Variants in TESMIN observed in about 807,000 individuals in gnomAD.
TESMIN encodes the protein testis expressed metallothionein like protein.
TESMIN carries 34 observed loss-of-function variants against 47.4 expected under a neutral mutation model. The observed-to-expected ratio is 0.72, with a 90% CI of 0.55 to 0.96. The LOEUF (loss-of-function observed/expected upper bound fraction) is 0.96. Ranked by LOEUF, TESMIN falls within the 40% of genes least tolerant of loss-of-function variation. The pLI is 0.00. For synonymous variants in TESMIN, 278 were observed against 258.9 expected (o/e 1.07, Z -0.71); for missense variants, 610 against 637.2 (o/e 0.96, Z 0.46).
chr11:68,733,771 T>C (rs1946355597), intron 6 of TESMIN: 2 of 152,236 alleles, frequency 1.3e-5, no homozygotes, highest in African/African-American at 2.4e-5. Flanking sequence ...TTACTCCTTA[T>C]ATAGAGAATT....
intron 5 of TESMIN, among the ~76,000 whole-genome samples, chr11:68,739,219 C>T (rs920786429): frequency 1.3e-5 from 2 of 152,180 alleles, no homozygotes; most frequent in Non-Finnish European, 2.9e-5. Context: ...CATGATTTTT[C>T]ATGTATTCAA....
intron 6 of TESMIN, among the ~76,000 whole-genome samples, chr11:68,728,538 C>T (rs1049659081): frequency 1.1e-4 from 17 of 152,222 alleles, no homozygotes; most frequent in African/African-American, 4.1e-4. Context: ...TAGCTGAGAT[C>T]ACTGATAAAG....
chr11:68,717,080 G>A (rs760167618), intron 6 of TESMIN, among the ~76,000 whole-genome samples: 2 of 152,254 alleles, frequency 1.3e-5, no homozygotes, highest in Non-Finnish European at 2.9e-5. Context: ...GCAGGAACAC[G>A]GCGAGGGCCG....
Position 68,744,164 on chromosome 11 carries a change from G to A in TESMIN, c.751+827C>T, listed in dbSNP as rs140126419. Among the ~76,000 whole-genome samples the A allele has an allele frequency of 2.1e-3, 320 of 152,324 alleles. 6 individuals carry two copies. In the East Asian group the frequency reaches 0.053, roughly 25 times the overall value. On this transcript the variant is annotated intron_variant, in intron 4 of 9. Transcript: ENST00000255087. ...ATGCAATGGGGAGACAGGGAGTCAC[G>A]CTTTGTCTTTTTGCCCTGGACTTCA...
intron 6 of TESMIN, chr11:68,736,015 T>C (rs1277568672): frequency 1.1e-6 from 1 of 908,468 alleles, no homozygotes; most frequent in African/African-American, 1.8e-5. Flanking sequence ...TCAGTGCCCA[T>C]CTAAAAATTA....
Position 68,713,265 on chromosome 11 carries a change from C to T in TESMIN, c.1158+5G>A. The T allele has an allele frequency of 6.2e-7, 1 of 1,613,504 alleles. No individual in the cohort carries two copies. The highest frequency in any genetic ancestry group is 1.1e-5 in the South Asian group (1 of 90,988). On this transcript the variant is annotated splice_donor_5th_base_variant and intron_variant, in intron 8 of 9. Coordinates refer to ENST00000255087, the MANE Select transcript of TESMIN (RefSeq NM_004923.3). Reference sequence around the variant, plus strand: ...TGTTAGTGAGTTAGGGAGCTGGGCACTAACCTCATAGCACTCGCAGTAATT... The same window carrying T: ...TGTTAGTGAGTTAGGGAGCTGGGCATTAACCTCATAGCACTCGCAGTAATT...
chr11:68,707,688 G>A lies in TESMIN; in HGVS notation c.*620C>T, dbSNP rs748762433. The A allele has an allele frequency of 6.5e-5, 25 of 382,372 alleles. No individual in the cohort carries two copies. The highest frequency in any genetic ancestry group is 1.4e-4 in the Non-Finnish European group (25 of 184,342). The allele number at this position is 382,372 out of a possible 1,614,324, so 23.7% of individuals were successfully genotyped here. ...TCTAACTCAAGACATGCTGGTGCAA[G>A]CCTGGCCTGCGAGGCCCCATTGCCT... On this transcript the variant is annotated 3_prime_UTR_variant, in exon 10 of 10. Transcript: ENST00000255087.
rs963939130 is a variant in TESMIN at position 68,750,349 on chromosome 11, G to A, written c.312C>T (p.Ser104=). ...LGEYPGIPEL[S]ALEDVALLQA... is the part of the protein sequence containing the mutation. Reference sequence around the variant, plus strand: ...GCAGGAGCGCGACGTCCTCCAGCGCGCTGAGCTCTGGGATCCCGGGGTACT... The same window carrying A: ...GCAGGAGCGCGACGTCCTCCAGCGCACTGAGCTCTGGGATCCCGGGGTACT... Residue 104 remains serine, a synonymous_variant, in exon 2 of 10, where the codon AGC becomes AGT. Transcript: ENST00000255087. The A allele has an allele frequency of 2.7e-6, 4 of 1,506,348 alleles. No homozygotes were observed. Among genetic ancestry groups the A allele is most frequent in the Non-Finnish European group, 3.5e-6 (4 of 1,127,662 alleles). 93.3% of individuals were successfully genotyped at this position (1,506,348 alleles called of 1,614,324 possible).
chr11:68,732,547 C>T lies in TESMIN; in HGVS notation c.917+6153G>A, dbSNP rs544062823. The T allele has an allele frequency of 5.2e-4, 79 of 153,282 alleles. 1 individual carries two copies. The highest frequency in any genetic ancestry group is 9.0e-4 in the Non-Finnish European group (62 of 68,750). 9.5% of individuals were successfully genotyped at this position (153,282 alleles called of 1,614,324 possible). A position where few individuals can be genotyped will look rare whatever the true frequency, so the allele number is the denominator to read the frequency against. ...TGTCCTCTGGATGCCACCACCTGGT[C>T]CTCCTCCACATCTGACATCTCCATC... On this transcript the variant is annotated intron_variant, in intron 6 of 9. Coordinates refer to ENST00000255087, the MANE Select transcript of TESMIN (RefSeq NM_004923.3).
chr11:68,750,731 G>A (rs985089208), intron 1 of TESMIN, 32 bp from the exon 2 acceptor site: 19 of 1,191,344 alleles, frequency 1.6e-5, no homozygotes, highest in Non-Finnish European at 2.0e-5. Context: ...GAGGCAGCCA[G>A]AGGAGAGGAC....
downstream of TESMIN, among the ~76,000 whole-genome samples, chr11:68,705,157 C>T (rs1945986546): frequency 6.6e-6 from 1 of 152,204 alleles, no homozygotes; most frequent in Non-Finnish European, 1.5e-5. Flanking sequence ...AAAGCTGTGC[C>T]CGGTGCCTTC....
chr11:68,712,505 G>GT (rs1277646763), intron 8 of TESMIN, among the ~76,000 whole-genome samples: 1 of 152,160 alleles, frequency 6.6e-6, no homozygotes, highest in Non-Finnish European at 1.5e-5. Context: ...CAAAACAGAG[G>GT]TTTGTAAGGA....
chr11:68,715,318 C>G (rs922570213), intron 7 of TESMIN, among the ~76,000 whole-genome samples: 2 of 152,160 alleles, frequency 1.3e-5, no homozygotes, highest in African/African-American at 4.8e-5. Flanking sequence ...GAGTGGCCAT[C>G]GGGGGCATCA....
chr11:68,711,161 G>C, intron 8 of TESMIN, 112 bp from the exon 9 acceptor site: 2 of 926,300 alleles, frequency 2.2e-6, no homozygotes, highest in South Asian at 3.4e-5. Flanking sequence ...CCATGACAGA[G>C]AGTGTGTGTG....
Position 68,731,544 on chromosome 11 carries a change from G to A in TESMIN, c.917+7156C>T, listed in dbSNP as rs369329542. On this transcript the variant is annotated intron_variant, in intron 6 of 9. Coordinates refer to ENST00000255087, the MANE Select transcript of TESMIN (RefSeq NM_004923.3). ...TACAGCAGAGACTCCCATGAGAGTA[G>A]GACTAACTCACGCTAAGAAAATTAC... Among the ~76,000 whole-genome samples the A allele has an allele frequency of 4.6e-5, 7 of 152,188 alleles. No individual in the cohort carries two copies. The East Asian group carries it at 9.6e-4, about 21-fold the overall frequency.
intron 2 of TESMIN, among the ~76,000 whole-genome samples, chr11:68,749,826 G>A (rs1334056012): frequency 6.6e-6 from 1 of 152,150 alleles, no homozygotes; most frequent in African/African-American, 2.4e-5. Context: ...ACAGACAATA[G>A]TTACCAGCAG....
chr11:68,727,606 A>G (rs114604475), intron 6 of TESMIN, among the ~76,000 whole-genome samples: 1 of 152,236 alleles, frequency 6.6e-6, no homozygotes, highest in African/African-American at 2.4e-5. Flanking sequence ...GTATAATTTA[A>G]CACTTATAGG....
chr11:68,743,402 G>C (rs989120520), intron 4 of TESMIN, among the ~76,000 whole-genome samples: 3 of 151,738 alleles, frequency 2.0e-5, no homozygotes, highest in African/African-American at 7.3e-5. Context: ...ACACCACCAA[G>C]CCCAGCTCAT....
intron 8 of TESMIN, 123 bp downstream of exon 8, chr11:68,713,147 T>G (rs780752794): frequency 4.3e-5 from 44 of 1,033,150 alleles, no homozygotes; most frequent in Admixed American, 9.2e-5. Flanking sequence ...TTCTAGAAAC[T>G]CTGGAAGAAA....
Sources: gnomAD v4.1 joint callset for allele counts (sites outside exome capture counted in the v4.1 genomes callset) on GRCh38, gnomAD v4.1.1 for gene constraint, MANE v1.5 for transcripts, NCBI Gene and HGNC (gene_info 2026-07-23, HGNC 2026-07-21) for gene names.